The following KIAA1217 variants were observed in gnomAD, a reference collection of about 807,000 sequenced individuals.
KIAA1217 encodes sickle tail protein homolog.
In KIAA1217, 88 loss-of-function variants were observed where a neutral mutation model predicts 163.9. The ratio of observed to expected loss-of-function variants is 0.54; its 90% CI spans 0.45 to 0.64. KIAA1217 has a LOEUF of 0.64. Among genes scored for constraint, KIAA1217 ranks in the 30% least tolerant of loss-of-function variants. The pLI, the probability that KIAA1217 is intolerant of heterozygous loss-of-function variation, is 0.00. For synonymous variants in KIAA1217, 903 were observed against 923.1 expected (o/e 0.98, Z 0.39); for missense variants, 2,372 against 2,475.0 (o/e 0.96, Z 0.88).
At chr10:23,707,549 G>C (rs1180044225) in intron 1 of KIAA1217, among the ~76,000 whole-genome samples, 1 of 152,118 alleles carries the variant, frequency 6.6e-6, no homozygotes, top group African/African-American at 2.4e-5. Context: ...CCACATACAG[G>C]GTGGAATAGT....
chr10:24,193,718 C>T (rs140644447), intron 2 of KIAA1217, among the ~76,000 whole-genome samples: 1 of 151,998 alleles, frequency 6.6e-6, no homozygotes, highest in South Asian at 2.1e-4. Context: ...GGAAAGTGCT[C>T]AGTTCTTAAC....
chr10:24,153,523 A>G (rs1317741499), intron 2 of KIAA1217, among the ~76,000 whole-genome samples: 1 of 152,242 alleles, frequency 6.6e-6, no homozygotes, highest in Non-Finnish European at 1.5e-5. Flanking sequence ...TAATGTACAC[A>G]TACACATAAT....
chr10:24,412,362 G>A (rs1340744116), intron 3 of KIAA1217, among the ~76,000 whole-genome samples: 1 of 152,112 alleles, frequency 6.6e-6, no homozygotes, highest in Non-Finnish European at 1.5e-5. Flanking sequence ...ACTGGCCTAT[G>A]TTGACAAAAT....
intron 1 of KIAA1217, among the ~76,000 whole-genome samples, chr10:23,747,448 G>C (rs879392531): frequency 3.3e-5 from 5 of 152,072 alleles, no homozygotes; most frequent in Non-Finnish European, 7.4e-5. Context: ...TGTATCTTTG[G>C]TGTAAGTCCA....
Position 24,473,545 on chromosome 10 carries a change from A to T in KIAA1217, c.1164A>T (p.Arg388Ser). The T allele has an allele frequency of 6.2e-7, 1 of 1,614,122 alleles. No individual in the cohort carries two copies. Among genetic ancestry groups the T allele is most frequent in the African/African-American group, 1.3e-5 (1 of 75,024 alleles). ...DMSGKNIAMY[R>S]NEGFYADPYL... is the part of the protein sequence containing the mutation. ...GTGGCAAAAACATTGCAATGTACAG[A>T]AATGAGGGTTTCTATGCTGATCCTT... Residue 388 changes from arginine to serine, a missense_variant, in exon 6 of 21, where the codon AGA (arginine) becomes AGT (serine). This residue lies in a region of KIAA1217 where 1,431 missense variants were observed against 1,470.3 expected (regional missense o/e 0.97). Transcript: ENST00000376454.
chr10:24,276,617 T>G (rs1298084484), intron 2 of KIAA1217, among the ~76,000 whole-genome samples: 1 of 151,448 alleles, frequency 6.6e-6, no homozygotes, highest in Non-Finnish European at 1.5e-5. Flanking sequence ...GCTTTTTTTT[T>G]TTTTTTTTCT....
intron 2 of KIAA1217, among the ~76,000 whole-genome samples, chr10:24,296,799 C>T (rs2040671134): frequency 6.6e-6 from 1 of 152,184 alleles, no homozygotes; most frequent in African/African-American, 2.4e-5. Context: ...AGAGAGAAAG[C>T]TTGCTAATTG....
intron 1 of KIAA1217, among the ~76,000 whole-genome samples, chr10:23,996,966 A>C (rs1206857309): frequency 6.6e-6 from 1 of 152,202 alleles, no homozygotes; most frequent in East Asian, 1.9e-4. Flanking sequence ...GTAAAGGCAT[A>C]AAGAGGAGAT....
chr10:24,515,257 G>A (rs906893992), intron 10 of KIAA1217, among the ~76,000 whole-genome samples: 5 of 151,690 alleles, frequency 3.3e-5, no homozygotes, highest in Admixed American at 6.6e-5. Flanking sequence ...TAGTAAAGAC[G>A]GCGTTTCACC....
intron 5 of KIAA1217, among the ~76,000 whole-genome samples, chr10:24,439,756 C>T (rs1253328285): frequency 1.3e-5 from 2 of 151,938 alleles, no homozygotes; most frequent in Non-Finnish European, 2.9e-5. Flanking sequence ...TTTGACCCTG[C>T]TTCCATGCTC....
chr10:24,195,394 A>G (rs956591230), intron 2 of KIAA1217, among the ~76,000 whole-genome samples: 24 of 152,186 alleles, frequency 1.6e-4, no homozygotes, highest in Middle Eastern at 3.2e-3. Flanking sequence ...TCATCCTTCA[A>G]TGATGGCTCT....
At chr10:24,127,197 A>G (rs993832898) in intron 2 of KIAA1217, among the ~76,000 whole-genome samples, 2 of 152,166 alleles carry the variant, frequency 1.3e-5, no homozygotes, top group Admixed American at 1.3e-4. Flanking sequence ...ACCAGCTTGA[A>G]AAGTATTAAA....
chr10:23,845,688 G>C (rs958325272), intron 1 of KIAA1217, among the ~76,000 whole-genome samples: 1 of 152,130 alleles, frequency 6.6e-6, no homozygotes, highest in African/African-American at 2.4e-5. Flanking sequence ...TAGGTTGCCT[G>C]TTCACTCTGA....
intron 2 of KIAA1217, among the ~76,000 whole-genome samples, chr10:24,203,162 G>T (rs561103099): frequency 7.5e-5 from 11 of 146,224 alleles, no homozygotes; most frequent in African/African-American, 2.8e-4. Context: ...AATCTAGCCT[G>T]GGTGGTGGAG....
intron 1 of KIAA1217, among the ~76,000 whole-genome samples, chr10:23,717,940 A>C (rs1346068885): frequency 6.6e-6 from 1 of 152,208 alleles, no homozygotes; most frequent in Non-Finnish European, 1.5e-5. Flanking sequence ...CCTTTAAAAT[A>C]GATGTATCTT....
intron 2 of KIAA1217, among the ~76,000 whole-genome samples, chr10:24,095,647 C>T (rs372990593): frequency 6.6e-6 from 1 of 152,168 alleles, no homozygotes; most frequent in Non-Finnish European, 1.5e-5. Context: ...TACAAGTTCT[C>T]CCTAGACAAA....
intron 2 of KIAA1217, among the ~76,000 whole-genome samples, chr10:24,339,798 A>G (rs531263113): frequency 8.1e-4 from 123 of 152,338 alleles, no homozygotes; most frequent in African/African-American, 2.9e-3. Context: ...TTTAGGGACC[A>G]TGATTATGAG....
chr10:24,244,210 C>A (rs910633386), intron 2 of KIAA1217, among the ~76,000 whole-genome samples: 11 of 152,124 alleles, frequency 7.2e-5, no homozygotes, highest in African/African-American at 2.7e-4. Flanking sequence ...GAAATGATTT[C>A]TTCAGAAAGA....
intron 2 of KIAA1217, among the ~76,000 whole-genome samples, chr10:24,201,764 T>C (rs989870826): frequency 2.0e-5 from 3 of 151,840 alleles, no homozygotes; most frequent in Non-Finnish European, 4.4e-5. Context: ...ACTGTAAAAA[T>C]ACTTAACTTC....
Sources: allele counts gnomAD v4.1 joint callset (sites outside exome capture counted in the v4.1 genomes callset), GRCh38; gene constraint gnomAD v4.1.1; regional missense constraint gnomAD v4.1.1; transcripts MANE v1.5; gene names NCBI Gene and HGNC (gene_info 2026-07-23, HGNC 2026-07-21).